The following ANK2 variants were observed in gnomAD, a reference collection of about 807,000 sequenced individuals.
ANK2 encodes ankyrin 2.
ANK2 carries 83 observed loss-of-function variants against 360.5 expected under a neutral mutation model. That is an observed-to-expected ratio of 0.23 (90% CI 0.19 to 0.28). The LOEUF (loss-of-function observed/expected upper bound fraction) is 0.28, where lower values mean the gene tolerates loss of function less well. Ranked by LOEUF, ANK2 falls within the 10% of genes least tolerant of loss-of-function variation. The probability of loss-of-function intolerance (pLI) is 1.00; values close to 1 mark genes in which losing one functional copy is unlikely to be tolerated. For missense variants in ANK2, 4,201 were observed against 4,795.7 expected (o/e 0.88, Z 3.66); for synonymous variants, 1,740 against 1,759.5 (o/e 0.99, Z 0.28).
intron 29 of ANK2, 144 bp from the exon 30 acceptor site, chr4:113,335,702 C>A: frequency 1.2e-6 from 1 of 864,130 alleles, no homozygotes; most frequent in Non-Finnish European, 1.9e-6. Flanking sequence ...GATAGCCTTG[C>A]TTTTTAAAAT....
intron 1 of ANK2, among the ~76,000 whole-genome samples, chr4:113,095,653 G>A (rs932827765): frequency 6.6e-6 from 1 of 152,132 alleles, no homozygotes; most frequent in African/African-American, 2.4e-5. Context: ...GTTACAATAA[G>A]TGAAACAGAT....
At chr4:112,716,951 G>A in the ANK2 span, among the ~76,000 whole-genome samples, 1 of 152,122 alleles carries the variant, frequency 6.6e-6, no homozygotes, top group African/African-American at 2.4e-5. Context: ...AATAATTAAA[G>A]GAAGACCTGG....
chr4:112,918,891 A>G (rs1013504257), intron 2 of ANK2, among the ~76,000 whole-genome samples: 4 of 152,208 alleles, frequency 2.6e-5, no homozygotes, highest in African/African-American at 9.6e-5. Flanking sequence ...TCATGTTTGC[A>G]TATGATTATA....
At chr4:112,796,193 G>C in the ANK2 span, among the ~76,000 whole-genome samples, 1 of 152,010 alleles carries the variant, frequency 6.6e-6, no homozygotes, top group Non-Finnish European at 1.5e-5. Flanking sequence ...GGGAGGCTAG[G>C]TGGGCAAATC....
At chr4:112,861,531 A>G (rs575553321) in intron 1 of ANK2, among the ~76,000 whole-genome samples, 2 of 152,338 alleles carry the variant, frequency 1.3e-5, no homozygotes, top group South Asian at 4.1e-4. Flanking sequence ...GGAGTAAATA[A>G]CATGTGGGTT....
At chr4:113,237,390 A>G (rs2099391829) in intron 6 of ANK2, among the ~76,000 whole-genome samples, 1 of 152,248 alleles carries the variant, frequency 6.6e-6, no homozygotes, top group South Asian at 2.1e-4. Flanking sequence ...GCTTTTTAGA[A>G]ATCTGCTTTC....
chr4:112,793,093 T>C, the ANK2 span, among the ~76,000 whole-genome samples: 1 of 152,156 alleles, frequency 6.6e-6, no homozygotes, highest in South Asian at 2.1e-4. Context: ...ATTTATACTA[T>C]TAAAAACTTA....
intron 1 of ANK2, among the ~76,000 whole-genome samples, chr4:113,142,406 A>G (rs182793950): frequency 6.6e-6 from 1 of 152,262 alleles, no homozygotes; most frequent in East Asian, 1.9e-4. Context: ...ATCGTCGGCA[A>G]AGTTTGAAGT....
chr4:112,982,429 C>A (rs988618378), intron 2 of ANK2, among the ~76,000 whole-genome samples: 6 of 152,106 alleles, frequency 3.9e-5, no homozygotes, highest in African/African-American at 1.4e-4. Flanking sequence ...AACATCCACT[C>A]GGTAGCATAA....
intron 1 of ANK2, among the ~76,000 whole-genome samples, chr4:112,879,484 G>C (rs2076137326): frequency 6.6e-6 from 1 of 152,028 alleles, no homozygotes; most frequent in African/African-American, 2.4e-5. Context: ...TTGTAGTCTT[G>C]GCCTATGTGT....
chr4:113,237,222 C>T (rs981299228), intron 6 of ANK2, 50 bp downstream of exon 6: 3 of 1,567,920 alleles, frequency 1.9e-6, no homozygotes, highest in Non-Finnish European at 2.6e-6. Flanking sequence ...GGCTGCCAGA[C>T]TCCTCCTGGG....
chr4:113,156,188 A>C (rs1378514941), intron 1 of ANK2, among the ~76,000 whole-genome samples: 1 of 152,190 alleles, frequency 6.6e-6, no homozygotes. Flanking sequence ...GGGAAATGCT[A>C]AAAACAATGA....
At chr4:112,966,081 T>A (rs1352169821) in intron 2 of ANK2, among the ~76,000 whole-genome samples, 2 of 151,804 alleles carry the variant, frequency 1.3e-5, no homozygotes, top group Non-Finnish European at 2.9e-5. Context: ...CTTTAAAAAA[T>A]CTAAATCTAT....
intron 1 of ANK2, among the ~76,000 whole-genome samples, chr4:113,108,066 A>G (rs564028180): frequency 1.3e-5 from 2 of 152,270 alleles, no homozygotes; most frequent in South Asian, 2.1e-4. Context: ...CAATGATCTG[A>G]TGTCCAGTCA....
At chr4:113,217,797 G>T (rs576985940) in intron 4 of ANK2, among the ~76,000 whole-genome samples, 1 of 152,312 alleles carries the variant, frequency 6.6e-6, no homozygotes, top group Admixed American at 6.5e-5. Context: ...CTAAGTCTCG[G>T]TACCGAACTG....
chr4:113,170,275 C>T (rs1438886561), intron 1 of ANK2, among the ~76,000 whole-genome samples: 1 of 152,154 alleles, frequency 6.6e-6, no homozygotes, highest in Admixed American at 6.6e-5. Context: ...GCACGTTGGA[C>T]TATATGAAGA....
the ANK2 span, among the ~76,000 whole-genome samples, chr4:112,770,452 T>C: frequency 6.6e-6 from 1 of 152,216 alleles, no homozygotes; most frequent in African/African-American, 2.4e-5. Flanking sequence ...CTGCCTCTAA[T>C]CCCAGCACTT....
intron 2 of ANK2, among the ~76,000 whole-genome samples, chr4:113,024,948 T>A (rs568786364): frequency 1.3e-5 from 2 of 152,310 alleles, no homozygotes; most frequent in South Asian, 4.1e-4. Context: ...GTGAATTTTT[T>A]AATATAATAT....
intron 1 of ANK2, among the ~76,000 whole-genome samples, chr4:112,837,571 A>G (rs1346317650): frequency 1.3e-5 from 2 of 152,234 alleles, no homozygotes; most frequent in Non-Finnish European, 1.5e-5. Flanking sequence ...CAGGCACTCA[A>G]TATCAGCCCA....
Sources: allele counts gnomAD v4.1 joint callset (sites outside exome capture counted in the v4.1 genomes callset), GRCh38; gene constraint gnomAD v4.1.1; transcripts MANE v1.5; gene names NCBI Gene and HGNC (gene_info 2026-07-23, HGNC 2026-07-21).